ADAMTSL1: variants seen among roughly 807,000 people sequenced by gnomAD.
The protein encoded by ADAMTSL1 is ADAMTS like 1.
Under a neutral mutation model 201.8 loss-of-function variants are expected in ADAMTSL1, and 126 were observed. The observed-to-expected ratio is 0.62, with a 90% CI of 0.54 to 0.72. ADAMTSL1 has a LOEUF of 0.72. Ranked by LOEUF, ADAMTSL1 falls within the 30% of genes least tolerant of loss-of-function variation. The pLI, the probability that ADAMTSL1 is intolerant of heterozygous loss-of-function variation, is 0.00. For missense variants in ADAMTSL1, 2,679 were observed against 2,277.8 expected (o/e 1.18, Z -3.59); for synonymous variants, 1,121 against 903.4 (o/e 1.24, Z -4.32).
intron 2 of ADAMTSL1, chr9:18,360,618 C>G (rs903221440): frequency 3.3e-5 from 5 of 152,158 alleles, no homozygotes; most frequent in African/African-American, 9.7e-5. Flanking sequence ...GTTATGGGAA[C>G]AGAGACATTA....
In ADAMTSL1 at chr9:18,829,904, G is replaced by T. The variant is rs202124252; in HGVS notation, c.4176G>T (p.Pro1392=). ...DIRALLAATG[P]NLPSVLTSPL... ...GGGCCTTGCTCGCTGCCACTGGACCGAACCTTCCTTCAGTGCTGACGTCTC... is the reference window on the plus strand; with the variant it reads ...GGGCCTTGCTCGCTGCCACTGGACCTAACCTTCCTTCAGTGCTGACGTCTC... Residue 1392 remains proline (P), a synonymous_variant, in exon 23 of 29, where the codon CCG becomes CCT. Coordinates refer to ENST00000380548, the MANE Select transcript of ADAMTSL1 (RefSeq NM_001040272.6). 3 of 1,613,912 alleles carry T rather than the reference G, an allele frequency of 1.9e-6. No homozygotes were observed. The highest frequency in any genetic ancestry group is 1.6e-4 in the Middle Eastern group (1 of 6,062).
At chr9:18,322,188 C>T (rs1373679701) in intron 2 of ADAMTSL1, among the ~76,000 whole-genome samples, 1 of 151,796 alleles carries the variant, frequency 6.6e-6, no homozygotes, top group East Asian at 1.9e-4. Context: ...AGCTGAGTTG[C>T]CCCTTTAAGA....
intron 4 of ADAMTSL1, among the ~76,000 whole-genome samples, chr9:18,611,807 C>T (rs1029614250): frequency 2.0e-5 from 3 of 152,178 alleles, no homozygotes; most frequent in African/African-American, 7.2e-5. Context: ...AAGTTTATTC[C>T]TATGAAACCA....
At chr9:18,503,421 G>GTGTGTATATA (rs376466829) in intron 1 of ADAMTSL1, among the ~76,000 whole-genome samples, 3 of 115,284 alleles carry the variant, frequency 2.6e-5, no homozygotes, top group Non-Finnish European at 5.6e-5. Flanking sequence ...ATTCCATTGT[G>GTGTGTATATA]TATATATATA....
rs544397043 is a variant in ADAMTSL1 at position 17,953,932 on chromosome 9, C to T, written c.87+47010C>T. 3.9e-5 allele frequency among the ~76,000 whole-genome samples: 6 copies of T among 152,228 alleles called. No individual in the cohort carries two copies. In the South Asian group the frequency reaches 1.0e-3, roughly 26 times the overall value. On this transcript the variant is annotated intron_variant, in intron 1 of 29. Transcript: ENST00000680146. ...TTATATAATTGGAAATGGCTGGTCC[C>T]CTTGAAGGGTCCATATGTCTGGTTG...
At chr9:18,065,689 T>C (rs1458557922) in intron 1 of ADAMTSL1, among the ~76,000 whole-genome samples, 1 of 152,048 alleles carries the variant, frequency 6.6e-6, no homozygotes, top group Non-Finnish European at 1.5e-5. Context: ...GATTCTTAAG[T>C]GTTAGAAAGG....
chr9:18,850,261 G>T (rs376317085), intron 23 of ADAMTSL1, among the ~76,000 whole-genome samples: 52 of 152,336 alleles, frequency 3.4e-4, no homozygotes, highest in African/African-American at 1.2e-3. Context: ...CAGGAATGAT[G>T]TGAATGAGTT....
At chr9:18,306,882 C>T (rs1833928115) in intron 2 of ADAMTSL1, among the ~76,000 whole-genome samples, 1 of 152,040 alleles carries the variant, frequency 6.6e-6, no homozygotes, top group Non-Finnish European at 1.5e-5. Context: ...AAACCCAAGA[C>T]ACATAATTGT....
chr9:18,699,323 T>C (rs967812677), intron 13 of ADAMTSL1, among the ~76,000 whole-genome samples: 4 of 146,226 alleles, frequency 2.7e-5, no homozygotes, highest in Admixed American at 2.7e-4. Flanking sequence ...TTTTTTACTT[T>C]TTTTTTTTTT....
chr9:18,698,467 G>T (rs1237234511), intron 13 of ADAMTSL1, among the ~76,000 whole-genome samples: 1 of 151,882 alleles, frequency 6.6e-6, no homozygotes, highest in Non-Finnish European at 1.5e-5. Flanking sequence ...TGTATTTTTA[G>T]TAGAGATGAG....
intron 5 of ADAMTSL1, among the ~76,000 whole-genome samples, chr9:18,633,166 A>G (rs577625658): frequency 1.3e-5 from 2 of 152,306 alleles, no homozygotes; most frequent in African/African-American, 2.4e-5. Flanking sequence ...CTTTCCTTTT[A>G]CTTGCACTTT....
chr9:18,123,224 A>G (rs16935857), intron 1 of ADAMTSL1, among the ~76,000 whole-genome samples: 8,555 of 152,282 alleles, frequency 0.056, 297 homozygotes, highest in East Asian at 0.16. Context: ...TCCAGATTGC[A>G]TTGTGATTAT....
chr9:18,273,840 C>T lies in ADAMTSL1; in HGVS notation c.207+109859C>T, dbSNP rs557418195. ...CTAATTCTGAGTGATCAGTCTTCCA[C>T]TGTTGAGTATCAAATATCTACATTT... On this transcript the variant is annotated intron_variant, in intron 2 of 29. Coordinates refer to the ADAMTSL1 transcript ENST00000680146. 2.0e-5 allele frequency among the ~76,000 whole-genome samples: 3 copies of T among 152,304 alleles called. No homozygotes were observed. The East Asian group carries it at 5.8e-4, about 29-fold the overall frequency.
chr9:18,424,268 A>T (rs538211403), intron 2 of ADAMTSL1, among the ~76,000 whole-genome samples: 1 of 152,326 alleles, frequency 6.6e-6, no homozygotes, highest in African/African-American at 2.4e-5. Flanking sequence ...GCTGAGAAAC[A>T]ATTAATTGCC....
chr9:18,471,450 C>T (rs1821207485), upstream of ADAMTSL1, among the ~76,000 whole-genome samples: 1 of 152,102 alleles, frequency 6.6e-6, no homozygotes, highest in African/African-American at 2.4e-5. Flanking sequence ...AAAGTAGTCA[C>T]AAAGGTCAAA....
chr9:18,814,407 A>T (rs1190043228), intron 20 of ADAMTSL1, among the ~76,000 whole-genome samples: 3 of 152,228 alleles, frequency 2.0e-5, no homozygotes, highest in African/African-American at 7.2e-5. Context: ...AGCAAAGGAA[A>T]CAATCAACAG....
At chr9:18,656,343 A>C (rs1315686840) in intron 7 of ADAMTSL1, among the ~76,000 whole-genome samples, 1 of 152,028 alleles carries the variant, frequency 6.6e-6, no homozygotes, top group African/African-American at 2.4e-5. Flanking sequence ...AGAAAATGGT[A>C]AGACTTGGCC....
chr9:18,011,354 T>C (rs1586891915), intron 1 of ADAMTSL1, among the ~76,000 whole-genome samples: 1 of 152,030 alleles, frequency 6.6e-6, no homozygotes, highest in Non-Finnish European at 1.5e-5. Flanking sequence ...TAAACTCTTA[T>C]TGAGCCAGGA....
intron 23 of ADAMTSL1, among the ~76,000 whole-genome samples, chr9:18,857,429 G>A (rs115639827): frequency 1.0e-3 from 154 of 152,200 alleles, no homozygotes; most frequent in African/African-American, 3.5e-3. Flanking sequence ...AAGATGATAG[G>A]CCTATTATTT....
Sources: gnomAD v4.1 joint callset for allele counts (sites outside exome capture counted in the v4.1 genomes callset) on GRCh38, gnomAD v4.1.1 for gene constraint, MANE v1.5 for transcripts, NCBI Gene and HGNC (gene_info 2026-07-23, HGNC 2026-07-21) for gene names.